PEX1: variants seen among roughly 807,000 people sequenced by gnomAD.
The protein encoded by PEX1 is peroxisomal biogenesis factor 1.
Under a neutral mutation model 152.5 loss-of-function variants are expected in PEX1, and 97 were observed. That is an observed-to-expected ratio of 0.64 (90% CI 0.54 to 0.75). The LOEUF is 0.75. PEX1 is among the 30% of genes least tolerant of loss of function. The probability of loss-of-function intolerance (pLI) is 0.00; values close to 1 mark genes in which losing one functional copy is unlikely to be tolerated. For synonymous variants in PEX1, 485 were observed against 531.6 expected (o/e 0.91, Z 1.21); for missense variants, 1,357 against 1,516.3 (o/e 0.89, Z 1.74).
At chr7:92,489,524 C>T in intron 22 of PEX1, 101 bp from the exon 23 acceptor site, 1 of 1,118,418 alleles carries the variant, frequency 8.9e-7, no homozygotes, top group Non-Finnish European at 1.3e-6. Flanking sequence ...TTCAAGAGAC[C>T]ATACGTTCTC....
Position 92,491,419 on chromosome 7 carries a change from A to G in PEX1, c.3291T>C (p.Ala1097=). Residue 1097 remains alanine, a synonymous_variant, in exon 21 of 24, where the codon GCT becomes GCC. Coordinates refer to ENST00000248633, the MANE Select transcript of PEX1 (RefSeq NM_000466.3). ...LNHSSGSDDS[A]GDGECGLDQS... is the part of the protein sequence containing the mutation. ...GATCTAAGCCACATTCTCCATCTCC[A>G]GCTGAATCGTCAGAGCCACTGCTAT... 6.2e-7 allele frequency: 1 copy of G among 1,613,768 alleles called. No homozygotes were observed. Among genetic ancestry groups the G allele is most frequent in the Non-Finnish European group, 8.5e-7 (1 of 1,179,644 alleles).
chr7:92,513,247 T>G (rs1243970416), intron 6 of PEX1, among the ~76,000 whole-genome samples: 1 of 152,208 alleles, frequency 6.6e-6, no homozygotes, highest in South Asian at 2.1e-4. Flanking sequence ...AAACAGATAC[T>G]TGTACACCAA....
At chr7:92,524,563 A>G (rs1793184763) in intron 1 of PEX1, among the ~76,000 whole-genome samples, 2 of 152,152 alleles carry the variant, frequency 1.3e-5, no homozygotes, top group African/African-American at 4.8e-5. Flanking sequence ...CACCATAGCC[A>G]GCTTATGTTT....
intron 5 of PEX1, among the ~76,000 whole-genome samples, chr7:92,516,377 GATC>G (rs1373021465): frequency 2.6e-5 from 4 of 152,038 alleles, no homozygotes; most frequent in African/African-American, 9.7e-5. Context: ...CAGTGAGCCA[GATC>G]ATGCCACTGC....
At chr7:92,494,239 A>G in intron 19 of PEX1, 54 bp downstream of exon 19, 1 of 1,302,304 alleles carries the variant, frequency 7.7e-7, no homozygotes, top group Admixed American at 1.8e-5. Context: ...TAAAGCTCAC[A>G]AGGAAAGAGT....
Position 92,528,296 on chromosome 7 carries a change from C to T in PEX1, c.129+11G>A, listed in dbSNP as rs1793393205. ...GGCTGAAGATCAGGTGGCTCGGGGC[C>T]GGCAGGTTACCTGCAGCAGATGCAG... On this transcript the variant is annotated intron_variant, in intron 1 of 23. Transcript: ENST00000248633. The T allele has an allele frequency of 1.9e-6, 3 of 1,552,688 alleles. No individual in the cohort carries two copies. The highest frequency in any genetic ancestry group is 2.6e-6 in the Non-Finnish European group (3 of 1,149,866).
chr7:92,506,273 C>T lies in PEX1; in HGVS notation c.1875G>A (p.Glu625=), dbSNP rs775491706. The change falls in exon 11 of 24, where the codon GAG becomes GAA. Residue 625 remains glutamate, a synonymous_variant. Coordinates refer to ENST00000248633, the MANE Select transcript of PEX1 (RefSeq NM_000466.3). ...CTCGTAAAGCTTTACAGTCAACTCT[C>T]TCCACATGGGCATCCAGTTTGTCAA... ...EAFDKLDAHV[E]RVDCKALRGK... 1.2e-6 allele frequency: 2 copies of T among 1,607,078 alleles called. No individual in the cohort carries two copies. The highest frequency in any genetic ancestry group is 2.2e-5 in the South Asian group (2 of 90,934).
intron 8 of PEX1, among the ~76,000 whole-genome samples, chr7:92,510,467 T>TA (rs1187272697): frequency 6.7e-5 from 10 of 149,852 alleles, no homozygotes; most frequent in Admixed American, 2.0e-4. Flanking sequence ...CACCGTCTTT[T>TA]AAAAAAAAAA....
chr7:92,494,560 A>G lies in PEX1; in HGVS notation c.2853T>C (p.His951=), dbSNP rs768094112. Reference sequence around the variant, plus strand: ...CTCGGTCTGTAACTCCTGTATTATCATGACCCCGCCGAGGAGCAATGGATT... The same window carrying G: ...CTCGGTCTGTAACTCCTGTATTATCGTGACCCCGCCGAGGAGCAATGGATT... The part of the protein sequence containing the change: ...EFESIAPRRG[H]DNTGVTDRVV... Residue 951 remains histidine (H), a synonymous_variant, in exon 18 of 24, where the codon CAT becomes CAC. Coordinates refer to ENST00000248633, the MANE Select transcript of PEX1 (RefSeq NM_000466.3). The G allele has an allele frequency of 1.4e-5, 22 of 1,613,858 alleles. No homozygotes were observed. In the Admixed American group the frequency reaches 1.5e-4, roughly 11 times the overall value.
intron 15 of PEX1, 31 bp from the exon 16 acceptor site, chr7:92,499,869 G>C (rs368718694): frequency 6.4e-7 from 1 of 1,569,132 alleles, no homozygotes; most frequent in East Asian, 2.2e-5. Flanking sequence ...ATATGAAAAA[G>C]AGCTCAAGTC....
rs200752969 is a variant in PEX1 at position 92,517,888 on chromosome 7, C to T, written c.627G>A (p.Met209Ile). Residue 209 changes from methionine (M) to isoleucine (I), a missense_variant, in exon 5 of 24, where the codon ATG (methionine) becomes ATA (isoleucine). Physicochemically the swap from Met to Ile is conservative, Grantham distance 10 (BLOSUM62 1). Coordinates refer to ENST00000248633, the MANE Select transcript of PEX1 (RefSeq NM_000466.3). ...LHSYGRDQKG[M>I]MKELQTKQLQ... ...GTTGCTTGGTTTGAAGTTCTTTCAT[C>T]ATTCCTTTCTGGTCTCTTCCATAAC... 178 of 1,548,124 alleles carry T rather than the reference C, an allele frequency of 1.1e-4. No homozygotes were observed. The Middle Eastern group carries it at 3.5e-3, about 30-fold the overall frequency.
chr7:92,518,358 T>C, intron 3 of PEX1, 103 bp from the exon 4 acceptor site: 1 of 752,918 alleles, frequency 1.3e-6, no homozygotes, highest in African/African-American at 1.7e-5. Context: ...AATTTTAATG[T>C]GCATATTTAA....
Position 92,501,631 on chromosome 7 carries a change from CCG to C in PEX1, c.2457_2458del (p.Gly820IlefsTer13), listed in dbSNP as rs1791931134. 6.2e-7 allele frequency: 1 copy of C among 1,614,014 alleles called. No homozygotes were observed. Among genetic ancestry groups the C allele is most frequent in the Non-Finnish European group, 8.5e-7 (1 of 1,179,910 alleles). ...ACTTCGCAAAGACGCAGGAAGAAAT[CCG>C]CGGAGAGCCTTTTGGAAGTCCAATG... On this transcript the variant is annotated frameshift_variant, in exon 15 of 24. Transcript: ENST00000248633. LOFTEE classifies it high-confidence loss of function.
Position 92,507,249 on chromosome 7 carries a change from T to C in PEX1, c.1671-123A>G. ...TAATTTAATTTAATTTTTTATCTTT[T>C]TTTTTTTGAGAAAGGGGCTTGCTGT... On this transcript the variant is annotated intron_variant, in intron 9 of 23. Coordinates refer to ENST00000248633, the MANE Select transcript of PEX1 (RefSeq NM_000466.3). The C allele has an allele frequency of 6.0e-6, 5 of 832,322 alleles. No homozygotes were observed. In the Admixed American group the frequency reaches 1.3e-4, roughly 22 times the overall value. The allele number at this position is 832,322 out of a possible 1,614,324, so 51.6% of individuals were successfully genotyped here.
chr7:92,507,442 G>T, intron 9 of PEX1: 1 of 281,032 alleles, frequency 3.6e-6, no homozygotes, highest in African/African-American at 2.3e-5. Flanking sequence ...GTAGAGACGG[G>T]GTTTTGCCAT....
chr7:92,527,130 A>G (rs905927227), intron 1 of PEX1, among the ~76,000 whole-genome samples: 2 of 152,254 alleles, frequency 1.3e-5, no homozygotes, highest in Non-Finnish European at 1.5e-5. Context: ...ATTAATTCTT[A>G]TAAGTACTTC....
At chr7:92,516,236 G>C (rs1258990115) in intron 5 of PEX1, among the ~76,000 whole-genome samples, 4 of 151,854 alleles carry the variant, frequency 2.6e-5, no homozygotes, top group African/African-American at 9.7e-5. Flanking sequence ...GACCAGGCTG[G>C]CTAACATGGT....
chr7:92,491,253 T>G lies in PEX1; in HGVS notation c.3438+19A>C, dbSNP rs754673184. ...AGCTTTATATTTCAGAACTGTATAA[T>G]GATGACTGCACAAGATACCAAATCA... On this transcript the variant is annotated intron_variant, in intron 21 of 23. Coordinates refer to ENST00000248633, the MANE Select transcript of PEX1 (RefSeq NM_000466.3). 1 of 1,470,944 alleles carries G rather than the reference T, an allele frequency of 6.8e-7. No individual in the cohort carries two copies. Among genetic ancestry groups the G allele is most frequent in the Non-Finnish European group, 9.5e-7 (1 of 1,049,342 alleles). 91.1% of individuals were successfully genotyped at this position (1,470,944 alleles called of 1,614,324 possible).
intron 8 of PEX1, among the ~76,000 whole-genome samples, chr7:92,510,032 T>G (rs1483000674): frequency 2.6e-5 from 4 of 151,756 alleles, no homozygotes; most frequent in Non-Finnish European, 4.4e-5. Flanking sequence ...TAATCCTAGC[T>G]ACTAGGGAAG....
Sources: allele counts gnomAD v4.1 joint callset (sites outside exome capture counted in the v4.1 genomes callset), GRCh38; gene constraint gnomAD v4.1.1; transcripts MANE v1.5; gene names NCBI Gene and HGNC (gene_info 2026-07-23, HGNC 2026-07-21).